AP1G1: variants seen among roughly 807,000 people sequenced by gnomAD.
AP1G1 encodes AP-1 complex subunit gamma-1.
A neutral mutation model predicts 108.3 loss-of-function variants in AP1G1; 7 were observed. The observed-to-expected ratio is 0.06, with a 90% CI of 0.04 to 0.12. The LOEUF (loss-of-function observed/expected upper bound fraction) is 0.12, where lower values mean the gene tolerates loss of function less well. Ranked by LOEUF, AP1G1 falls within the 10% of genes least tolerant of loss-of-function variation. AP1G1 has a pLI of 1.00. For missense variants in AP1G1, 756 were observed against 1,010.7 expected (o/e 0.75, Z 3.42); for synonymous variants, 379 against 353.5 (o/e 1.07, Z -0.81).
At chr16:71,807,048 G>C (rs187492602) in intron 1 of AP1G1, among the ~76,000 whole-genome samples, 3 of 152,338 alleles carry the variant, frequency 2.0e-5, no homozygotes, top group Non-Finnish European at 4.4e-5. Flanking sequence ...TTGCAGATGT[G>C]AAAACCCAGG....
intron 5 of AP1G1, 152 bp downstream of exon 5, chr16:71,771,004 A>G (rs1019570252): frequency 1.7e-5 from 8 of 459,124 alleles, no homozygotes; most frequent in African/African-American, 1.6e-4. Context: ...GAGTGGAAAG[A>G]CTTGTCAGAC....
chr16:71,791,908 T>C (rs2032417163), intron 1 of AP1G1, among the ~76,000 whole-genome samples: 1 of 151,856 alleles, frequency 6.6e-6, no homozygotes, highest in Admixed American at 6.6e-5. Context: ...ATTACAGGCA[T>C]GCACCACCAT....
At chr16:71,774,397 C>T (rs2031696580) in intron 3 of AP1G1, 71 bp downstream of exon 3, 3 of 1,533,322 alleles carry the variant, frequency 2.0e-6, no homozygotes, top group Admixed American at 4.2e-5. Context: ...GAGCAAGACT[C>T]CGTCTCAAAG....
At chr16:71,779,019 A>T (rs2031899887) in intron 2 of AP1G1, among the ~76,000 whole-genome samples, 1 of 152,232 alleles carries the variant, frequency 6.6e-6, no homozygotes, top group African/African-American at 2.4e-5. Context: ...CAGACGCTTT[A>T]ATAAGACCAG....
rs1427861419 is a variant in AP1G1 at position 71,748,481 on chromosome 16, C to T, written c.1498-103G>A. The T allele has an allele frequency of 7.5e-6, 10 of 1,327,580 alleles. No homozygotes were observed. The African/African-American group carries it at 1.2e-4, about 16-fold the overall frequency. 82.2% of individuals were successfully genotyped at this position (1,327,580 alleles called of 1,614,324 possible). On this transcript the variant is annotated intron_variant, in intron 15 of 22. Transcript: ENST00000299980. ...GGAAGCAGCCAGAAAGACAATCCTA[C>T]CGTTACAAAAGCCTCTAACTCAACC...
intron 1 of AP1G1, among the ~76,000 whole-genome samples, chr16:71,807,547 A>T (rs1274238852): frequency 6.6e-6 from 1 of 152,264 alleles, no homozygotes; most frequent in Admixed American, 6.5e-5. Context: ...CATATTTTTC[A>T]AACGTGAAAG....
At chr16:71,792,383 T>A (rs932461162) in intron 1 of AP1G1, among the ~76,000 whole-genome samples, 1 of 152,114 alleles carries the variant, frequency 6.6e-6, no homozygotes, top group Non-Finnish European at 1.5e-5. Flanking sequence ...TGACAAATCT[T>A]CAGGAATTTT....
intron 1 of AP1G1, among the ~76,000 whole-genome samples, chr16:71,790,298 T>C (rs977817833): frequency 2.0e-5 from 3 of 152,082 alleles, no homozygotes; most frequent in African/African-American, 7.2e-5. Context: ...CCCAGCACTT[T>C]GGGAGGCCAA....
intron 13 of AP1G1, among the ~76,000 whole-genome samples, chr16:71,752,977 A>G (rs1163294902): frequency 6.6e-6 from 1 of 152,184 alleles, no homozygotes; most frequent in Non-Finnish European, 1.5e-5. Flanking sequence ...GATTGAATAT[A>G]TTAATATGCT....
intron 12 of AP1G1, 56 bp from the exon 13 acceptor site, chr16:71,753,943 T>C: frequency 6.5e-7 from 1 of 1,541,672 alleles, no homozygotes; most frequent in Non-Finnish European, 9.0e-7. Flanking sequence ...CCGTTTTCAG[T>C]GACTAGAAAA....
intron 6 of AP1G1, chr16:71,767,733 C>A: frequency 1.3e-6 from 1 of 787,338 alleles, no homozygotes; most frequent in Non-Finnish European, 2.0e-6. Flanking sequence ...GGAAGTTAGC[C>A]AAAGATGGTA....
intron 17 of AP1G1, among the ~76,000 whole-genome samples, chr16:71,746,253 G>A (rs1223185129): frequency 6.6e-6 from 1 of 152,132 alleles, no homozygotes; most frequent in Non-Finnish European, 1.5e-5. Context: ...CTCGTGATCT[G>A]CCCGCCTCGG....
intron 11 of AP1G1, among the ~76,000 whole-genome samples, chr16:71,758,120 T>A (rs1018749350): frequency 6.6e-6 from 1 of 152,216 alleles, no homozygotes; most frequent in Non-Finnish European, 1.5e-5. Context: ...GAACTCACCA[T>A]CAATAAATGT....
intron 2 of AP1G1, among the ~76,000 whole-genome samples, chr16:71,783,539 A>AT (rs898116928): frequency 2.0e-5 from 3 of 151,926 alleles, no homozygotes; most frequent in South Asian, 4.2e-4. Context: ...TTTAAAGGAA[A>AT]TTTTTTTTTA....
At chr16:71,808,518 C>T in intron 1 of AP1G1, 1 of 1,272,016 alleles carries the variant, frequency 7.9e-7, no homozygotes, top group East Asian at 5.6e-5. Context: ...CGGGGCAACG[C>T]CACAACACGG....
chr16:71,773,013 A>C, intron 4 of AP1G1: 1 of 667,908 alleles, frequency 1.5e-6, no homozygotes, highest in Non-Finnish European at 2.7e-6. Flanking sequence ...TATGCCACCT[A>C]GGATATATCC....
At chr16:71,749,495 C>A (rs12932432) in intron 15 of AP1G1, among the ~76,000 whole-genome samples, 182 of 146,272 alleles carry the variant, frequency 1.2e-3, no homozygotes, top group South Asian at 2.6e-3. Flanking sequence ...AAAAAAAAAA[C>A]AAAAAACCTC....
chr16:71,757,613 A>C (rs2030868543), intron 11 of AP1G1, among the ~76,000 whole-genome samples: 1 of 152,158 alleles, frequency 6.6e-6, no homozygotes. Context: ...TTGCCCTTCT[A>C]TCTGTATTTT....
At chr16:71,744,379 G>T (rs543172737) in intron 19 of AP1G1, among the ~76,000 whole-genome samples, 3 of 152,158 alleles carry the variant, frequency 2.0e-5, no homozygotes, top group Non-Finnish European at 4.4e-5. Flanking sequence ...ATGAGTGATT[G>T]CCCTTCAGTT....
Sources: gnomAD v4.1 joint callset for allele counts (sites outside exome capture counted in the v4.1 genomes callset) on GRCh38, gnomAD v4.1.1 for gene constraint, MANE v1.5 for transcripts, NCBI Gene and HGNC (gene_info 2026-07-23, HGNC 2026-07-21) for gene names.